PKD1L3: variants seen among roughly 807,000 people sequenced by gnomAD.
PKD1L3 encodes the protein polycystin 1 like 3, transient receptor potential channel interacting, also known as polycystin-1-like protein 3.
In PKD1L3, 239 loss-of-function variants were observed where a neutral mutation model predicts 184.1. The ratio of observed to expected loss-of-function variants is 1.30; its 90% CI spans 1.17 to 1.45. PKD1L3 has a LOEUF of 1.45. Ranked by LOEUF, PKD1L3 falls within the 40% of genes most tolerant of loss-of-function variation. The pLI, the probability that PKD1L3 is intolerant of heterozygous loss-of-function variation, is 0.00. For missense variants in PKD1L3, 2,660 were observed against 2,067.2 expected (o/e 1.29, Z -5.56); for synonymous variants, 996 against 778.8 (o/e 1.28, Z -4.64).
chr16:71,982,119 G>A lies in PKD1L3; in HGVS notation c.1083C>T (p.Leu361=), dbSNP rs900498707. ...CTTCTCCAGCTTTGGTGACATTGTT[G>A]AGGGAATGAAAGGGGCAGACAGTTG... ...VPPTVCPFHS[L]NNVTKAGEGS... Residue 361 remains leucine (L), a synonymous_variant, in exon 7 of 30, where the codon CTC becomes CTT. Transcript: ENST00000620267. The A allele has an allele frequency of 1.5e-5, 23 of 1,551,728 alleles. No individual in the cohort carries two copies. Among genetic ancestry groups the A allele is most frequent in the Non-Finnish European group, 2.0e-5 (23 of 1,147,040 alleles).
chr16:71,968,117 T>C, intron 13 of PKD1L3, 110 bp from the exon 14 acceptor site: 1 of 834,218 alleles, frequency 1.2e-6, no homozygotes, highest in Non-Finnish European at 1.9e-6. Flanking sequence ...CTGGCAGCCC[T>C]GCAGAAAGCA....
chr16:71,941,836 G>A (rs899902500), intron 24 of PKD1L3, among the ~76,000 whole-genome samples: 15 of 151,126 alleles, frequency 9.9e-5, no homozygotes, highest in Non-Finnish European at 1.8e-4. Flanking sequence ...CACCTGCCTC[G>A]GCCTCCCAAA....
intron 5 of PKD1L3, 66 bp from the exon 6 acceptor site, chr16:71,984,233 G>A: frequency 6.8e-7 from 1 of 1,476,802 alleles, no homozygotes. Flanking sequence ...TAGTCAGGGA[G>A]ATTATTTTCA....
At chr16:71,968,080 A>AG in intron 13 of PKD1L3, 73 bp from the exon 14 acceptor site, 1 of 1,248,472 alleles carries the variant, frequency 8.0e-7, no homozygotes, top group Non-Finnish European at 1.1e-6. Context: ...CCAGCTGAGG[A>AG]GCAGGAGGAT....
intron 17 of PKD1L3, 101 bp from the exon 18 acceptor site, chr16:71,953,194 C>A (rs1316595196): frequency 9.3e-6 from 9 of 967,696 alleles, no homozygotes; most frequent in African/African-American, 1.7e-5. Context: ...AAGTTAACTA[C>A]GTTTATCTAG....
At position 71,998,329 on chromosome 16, in the gene PKD1L3, G is replaced by C; in HGVS notation, c.361C>G (p.Arg121Gly). The C allele has an allele frequency of 1.3e-6, 2 of 1,552,078 alleles. No individual in the cohort carries two copies. Among genetic ancestry groups the C allele is most frequent in the South Asian group, 1.2e-5 (1 of 84,058 alleles). The change falls in exon 2 of 30, where the codon CGG becomes GGG. Residue 121 changes from arginine to glycine, a missense_variant. By Grantham distance (125) the Arg-to-Gly change is moderately radical (BLOSUM62 -2). Transcript: ENST00000620267. ...SCTYLSRNFI[R>G]ISSKGDKCLL... ...CACTTGTCCCCTTTGGATGAGATCC[G>C]AATGAAGTTTCTGGACAGGTAGGTG... is the stretch of plus-strand genomic sequence containing the variant.
rs1193991083 is a variant in PKD1L3 at position 71,954,139 on chromosome 16, C to A, written c.2775G>T (p.Lys925Asn). The A allele has an allele frequency of 6.5e-7, 1 of 1,548,410 alleles. No individual in the cohort carries two copies. Among genetic ancestry groups the A allele is most frequent in the East Asian group, 2.5e-5 (1 of 40,636 alleles). Residue 925 changes from lysine (K) to asparagine (N), a missense_variant, in exon 17 of 30, where the codon AAG (lysine) becomes AAT (asparagine). Transcript: ENST00000620267. ...CTCTCTTGGCAGTGGTGCTGTTTAT[C>A]TTCCAGAACATAACATTGATGACCA... is the stretch of plus-strand genomic sequence containing the variant. ...CNMVINVMFWKINSTTAKRDE... is the reference protein window; with the variant it reads ...CNMVINVMFWNINSTTAKRDE...
rs1318956292 is a variant in PKD1L3, at chr16:71,943,006, G to T, written c.3878C>A (p.Thr1293Asn). The stretch of plus-strand genomic sequence containing the variant: ...AGAGTAGATTGCAGTCATCAACAGG[G>T]TAAGGAAGAGGATTTGTACTTGTTT... The part of the protein sequence containing the change: ...GDILVQILFL[T>N]LLMTAIYSAK... The change falls in exon 24 of 30, where the codon ACC (threonine) becomes AAC (asparagine). Residue 1293 changes from threonine to asparagine, a missense_variant. Coordinates refer to ENST00000620267, the MANE Select transcript of PKD1L3 (RefSeq NM_181536.2). The T allele has an allele frequency of 1.3e-6, 2 of 1,550,082 alleles. No homozygotes were observed. Among genetic ancestry groups the T allele is most frequent in the Non-Finnish European group, 1.7e-6 (2 of 1,145,842 alleles).
intron 12 of PKD1L3, among the ~76,000 whole-genome samples, chr16:71,970,376 T>G (rs1356113875): frequency 6.6e-6 from 1 of 152,174 alleles, no homozygotes; most frequent in Non-Finnish European, 1.5e-5. Context: ...TGAAGATATA[T>G]GAAAAGGAAT....
chr16:71,954,228 G>T lies in PKD1L3; in HGVS notation c.2686C>A (p.Pro896Thr), dbSNP rs749306210. The part of the protein sequence containing the change: ...YLWLSIATRH[P>T]WNQFTRVQRL... ...TGGACCCTTGTAAACTGGTTCCAGG[G>T]ATGCCGAGTTGCAATTGAAAGCCAC... The change falls in exon 17 of 30, where the codon CCC becomes ACC. Residue 896 changes from proline (P) to threonine (T), a missense_variant. Pro to Thr is a conservative substitution (Grantham distance 38, BLOSUM62 -1). Transcript: ENST00000620267. 6.4e-7 allele frequency: 1 copy of T among 1,551,062 alleles called. No individual in the cohort carries two copies. Among genetic ancestry groups the T allele is most frequent in the Non-Finnish European group, 8.7e-7 (1 of 1,146,694 alleles).
At position 71,930,942 on chromosome 16, in the gene PKD1L3, A is replaced by G. The variant is rs1372612933; in HGVS notation, c.4927-759T>C. ...TCTATATGGCAAAATATTTTCAAGC[A>G]CCAAACTGTTTTACCTACTTAAAAA... On this transcript the variant is annotated intron_variant, in intron 28 of 29. Coordinates refer to ENST00000620267, the MANE Select transcript of PKD1L3 (RefSeq NM_181536.2). 6 of 152,228 alleles carry G rather than the reference A, an allele frequency of 3.9e-5. No homozygotes were observed. The East Asian group carries it at 1.2e-3, about 29-fold the overall frequency. The allele number at this position is 152,228 out of a possible 1,614,324, so 9.4% of individuals were successfully genotyped here.
intron 11 of PKD1L3, among the ~76,000 whole-genome samples, chr16:71,976,855 G>A (rs1382555367): frequency 6.6e-6 from 1 of 152,154 alleles, no homozygotes; most frequent in African/African-American, 2.4e-5. Flanking sequence ...ACATTTTCCT[G>A]CCTCAGCCTC....
intron 2 of PKD1L3, among the ~76,000 whole-genome samples, chr16:71,994,100 C>G (rs2040693639): frequency 3.3e-5 from 5 of 152,146 alleles, no homozygotes; most frequent in Admixed American, 3.3e-4. Context: ...TGCCTCCTTG[C>G]ATACACGAGC....
chr16:71,944,557 C>A (rs926458357), intron 22 of PKD1L3, among the ~76,000 whole-genome samples: 5 of 152,048 alleles, frequency 3.3e-5, no homozygotes, highest in African/African-American at 1.2e-4. Flanking sequence ...GTGGCTCATG[C>A]CTGTGGTCCC....
At chr16:71,942,484 C>CA in intron 24 of PKD1L3, 76 bp downstream of exon 24, 1 of 1,280,722 alleles carries the variant, frequency 7.8e-7, no homozygotes, top group South Asian at 1.5e-5. Context: ...TCAATGAAAC[C>CA]ACATTCCTGG....
chr16:71,945,499 G>A (rs977705432), intron 22 of PKD1L3, among the ~76,000 whole-genome samples: 3 of 150,386 alleles, frequency 2.0e-5, no homozygotes, highest in Non-Finnish European at 4.4e-5. Context: ...GCCAATATGG[G>A]AAAAACTTGT....
intron 16 of PKD1L3, among the ~76,000 whole-genome samples, chr16:71,959,935 A>C (rs760472046): frequency 1.3e-5 from 2 of 152,190 alleles, no homozygotes; most frequent in African/African-American, 4.8e-5. Flanking sequence ...CTTGGGCAAC[A>C]TGGTGAGACC....
intron 12 of PKD1L3, among the ~76,000 whole-genome samples, chr16:71,972,806 G>C (rs1164379999): frequency 1.3e-5 from 2 of 152,142 alleles, no homozygotes; most frequent in African/African-American, 2.4e-5. Context: ...ACCAAACCAG[G>C]ACTTTCATCA....
intron 9 of PKD1L3, among the ~76,000 whole-genome samples, 190 bp downstream of exon 9, chr16:71,979,596 A>G (rs994575480): frequency 6.6e-6 from 1 of 152,226 alleles, no homozygotes; most frequent in Admixed American, 6.5e-5. Flanking sequence ...AATGTTCCCA[A>G]CTTCTACAGT....
Sources: allele counts gnomAD v4.1 joint callset (sites outside exome capture counted in the v4.1 genomes callset), GRCh38; gene constraint gnomAD v4.1.1; transcripts MANE v1.5; gene names NCBI Gene and HGNC (gene_info 2026-07-23, HGNC 2026-07-21).